The following SNX25 variants were observed in gnomAD, a reference collection of about 807,000 sequenced individuals.
SNX25 encodes sorting nexin 25, also known as sorting nexin-25.
In SNX25, 62 loss-of-function variants were observed where a neutral mutation model predicts 113.7. The ratio of observed to expected loss-of-function variants is 0.55; its 90% CI spans 0.44 to 0.67. The LOEUF is 0.67. Among genes scored for constraint, SNX25 ranks in the 30% least tolerant of loss-of-function variants. The pLI, the probability that SNX25 is intolerant of heterozygous loss-of-function variation, is 0.00. For synonymous variants in SNX25, 421 were observed against 436.2 expected (o/e 0.97, Z 0.43); for missense variants, 1,014 against 1,161.0 (o/e 0.87, Z 1.84).
intron 13 of SNX25, 133 bp downstream of exon 13, chr4:185,346,783 G>C (rs2095289109): frequency 3.4e-6 from 2 of 594,168 alleles, no homozygotes; most frequent in South Asian, 2.5e-5. Context: ...AATATCTTGG[G>C]TGTTTTTTTT....
At chr4:185,243,407 C>G (rs1056232231) in intron 1 of SNX25, among the ~76,000 whole-genome samples, 1 of 152,046 alleles carries the variant, frequency 6.6e-6, no homozygotes, top group East Asian at 1.9e-4. Context: ...GCCAGGAGTT[C>G]AAGACCAACC....
At chr4:185,247,480 G>A in intron 2 of SNX25, 102 bp downstream of exon 2, 1 of 882,972 alleles carries the variant, frequency 1.1e-6, no homozygotes, top group South Asian at 1.5e-5. Flanking sequence ...TTGTCTGCAT[G>A]TAGTGTTAGG....
At chr4:185,269,316 GAATACT>G (rs1309429283) in intron 5 of SNX25, among the ~76,000 whole-genome samples, 1 of 152,070 alleles carries the variant, frequency 6.6e-6, no homozygotes, top group African/African-American at 2.4e-5. Flanking sequence ...ACCTATACTC[GAATACT>G]CATCTACCTG....
intron 7 of SNX25, among the ~76,000 whole-genome samples, chr4:185,314,839 A>G (rs1263972839): frequency 3.5e-5 from 5 of 143,148 alleles, no homozygotes; most frequent in African/African-American, 5.2e-5. Flanking sequence ...GCCTGGCGAC[A>G]AAGTGAGACT....
intron 3 of SNX25, among the ~76,000 whole-genome samples, chr4:185,259,707 A>G (rs923411360): frequency 1.1e-4 from 17 of 152,202 alleles, no homozygotes; most frequent in African/African-American, 4.1e-4. Context: ...ATAACAATTT[A>G]CATAAAAAGC....
intron 10 of SNX25, 101 bp from the exon 11 acceptor site, chr4:185,339,278 A>G (rs2095248125): frequency 2.6e-6 from 3 of 1,141,704 alleles, no homozygotes; most frequent in Non-Finnish European, 3.8e-6. Context: ...GTGTATCGAA[A>G]CACAGCTGAT....
At chr4:185,265,769 CTGT>C (rs1176441397) in intron 4 of SNX25, among the ~76,000 whole-genome samples, 1 of 151,826 alleles carries the variant, frequency 6.6e-6, no homozygotes, top group Admixed American at 6.6e-5. Context: ...ATTGTATGTG[CTGT>C]ATTTTTATAC....
chr4:185,211,960 A>G (rs1560889010), intron 1 of SNX25, among the ~76,000 whole-genome samples: 2 of 152,182 alleles, frequency 1.3e-5, no homozygotes, highest in Non-Finnish European at 1.5e-5. Context: ...AAGATTGTTT[A>G]GTAGAGGAGT....
At chr4:185,333,593 A>G (rs1480647295) in intron 10 of SNX25, among the ~76,000 whole-genome samples, 1 of 152,218 alleles carries the variant, frequency 6.6e-6, no homozygotes, top group Non-Finnish European at 1.5e-5. Context: ...CTATTCATCT[A>G]TAATCCAGTT....
intron 7 of SNX25, among the ~76,000 whole-genome samples, chr4:185,313,696 G>T (rs902241037): frequency 1.2e-4 from 19 of 152,158 alleles, no homozygotes; most frequent in African/African-American, 4.1e-4. Context: ...CAGGAATTAT[G>T]TACAGTTGGC....
chr4:185,300,591 T>C (rs1338780214), intron 6 of SNX25, among the ~76,000 whole-genome samples: 3 of 152,126 alleles, frequency 2.0e-5, no homozygotes, highest in Non-Finnish European at 2.9e-5. Flanking sequence ...GGGTCTTTTC[T>C]AAAGTTTTGA....
At chr4:185,309,416 A>C (rs1165214254) in intron 6 of SNX25, among the ~76,000 whole-genome samples, 3 of 152,236 alleles carry the variant, frequency 2.0e-5, no homozygotes, top group Non-Finnish European at 2.9e-5. Flanking sequence ...CATCGTAAAA[A>C]GAGCATGTGA....
intron 10 of SNX25, among the ~76,000 whole-genome samples, chr4:185,336,223 A>G (rs1013291816): frequency 6.6e-5 from 10 of 152,190 alleles, no homozygotes; most frequent in Non-Finnish European, 1.0e-4. Context: ...GTTTGGTTAC[A>G]TGAATAAATT....
intron 6 of SNX25, among the ~76,000 whole-genome samples, chr4:185,299,968 GT>G (rs1367948115): frequency 7.2e-5 from 11 of 152,140 alleles, no homozygotes; most frequent in Admixed American, 5.2e-4. Context: ...AGATGAGGAG[GT>G]TTCGCCTTTT....
chr4:185,328,842 T>C (rs1031181549), intron 9 of SNX25, among the ~76,000 whole-genome samples: 9 of 151,436 alleles, frequency 5.9e-5, no homozygotes, highest in African/African-American at 2.2e-4. Flanking sequence ...AGGTAACAGG[T>C]AGAGAAGGAG....
At chr4:185,359,958 T>G (rs2095354632) in intron 16 of SNX25, among the ~76,000 whole-genome samples, 1 of 152,176 alleles carries the variant, frequency 6.6e-6, no homozygotes, top group Non-Finnish European at 1.5e-5. Flanking sequence ...TTCTTTGCTG[T>G]TTTTGCCTTC....
At chr4:185,358,738 A>C (rs2095349762) in intron 16 of SNX25, among the ~76,000 whole-genome samples, 1 of 152,216 alleles carries the variant, frequency 6.6e-6, no homozygotes, top group Non-Finnish European at 1.5e-5. Context: ...TGGTAACTCT[A>C]TACCCAGAAT....
chr4:185,300,002 A>G (rs1034455166), intron 6 of SNX25, among the ~76,000 whole-genome samples: 2 of 152,210 alleles, frequency 1.3e-5, no homozygotes. Flanking sequence ...AAAATTGTAT[A>G]TCTTACCCAA....
chr4:185,214,722 C>G (rs1738499330), intron 1 of SNX25, among the ~76,000 whole-genome samples: 1 of 152,226 alleles, frequency 6.6e-6, no homozygotes, highest in African/African-American at 2.4e-5. Context: ...TAAGCATTTA[C>G]TGAATGTCTG....
Sources: allele counts gnomAD v4.1 joint callset (sites outside exome capture counted in the v4.1 genomes callset), GRCh38; gene constraint gnomAD v4.1.1; transcripts MANE v1.5; gene names NCBI Gene and HGNC (gene_info 2026-07-23, HGNC 2026-07-21).